Variants in SKIC2 observed in about 807,000 individuals in gnomAD.
SKIC2 encodes the protein superkiller complex protein 2.
chr6:31,968,738 G>A, the SKIC2 span: 20 of 1,612,804 alleles, frequency 1.2e-5, no homozygotes, highest in South Asian at 3.3e-5. The surrounding 1 kb of genome is among the most constrained non-coding windows in gnomAD (Gnocchi z 6.1). Context: ...GAGCGGCTGC[G>A]CTTCCTACTG....
the SKIC2 span, among the ~76,000 whole-genome samples, chr6:31,966,263 ATT>A: frequency 6.3e-5 from 9 of 142,402 alleles, no homozygotes; most frequent in South Asian, 2.2e-4. The surrounding 1 kb of genome is among the most constrained non-coding windows in gnomAD (Gnocchi z 5.9). Context: ...GGCCTGGCTA[ATT>A]TTTTTTTTTT....
At chr6:31,960,219 GAA>G in the SKIC2 span, 2 of 1,612,756 alleles carry the variant, frequency 1.2e-6, no homozygotes, top group Non-Finnish European at 1.7e-6. Context: ...TTTCTCTCCA[GAA>G]AATGGCAGAG....
the SKIC2 span, among the ~76,000 whole-genome samples, chr6:31,964,777 T>A: frequency 1.3e-5 from 2 of 152,228 alleles, no homozygotes; most frequent in African/African-American, 4.8e-5. The surrounding 1 kb of genome is among the most constrained non-coding windows in gnomAD (Gnocchi z 5.0). Context: ...GGGAATCCTT[T>A]ACGGGATGCC....
the SKIC2 span, chr6:31,968,693 A>G: frequency 4.8e-5 from 77 of 1,612,258 alleles, no homozygotes; most frequent in Non-Finnish European, 6.4e-5. The surrounding 1 kb of genome is among the most constrained non-coding windows in gnomAD (Gnocchi z 6.1). Context: ...CAGTACCTGA[A>G]GCTGCGGGAG....
the SKIC2 span, chr6:31,960,030 T>A: frequency 2.5e-6 from 4 of 1,613,020 alleles, no homozygotes. Context: ...GCCTCCCTCC[T>A]TGTGCCCCAG....
the SKIC2 span, chr6:31,968,873 G>C: frequency 1.2e-6 from 2 of 1,612,610 alleles, no homozygotes; most frequent in Non-Finnish European, 1.7e-6. This position sits in a 1 kb window ranked among gnomAD's most constrained non-coding sequence, Gnocchi z 6.1. Flanking sequence ...TCTTGCAGGT[G>C]CTCCGAACCC....
At chr6:31,967,686 C>A in the SKIC2 span, 2 of 1,611,236 alleles carry the variant, frequency 1.2e-6, no homozygotes, top group South Asian at 1.1e-5. This position sits in a 1 kb window ranked among gnomAD's most constrained non-coding sequence, Gnocchi z 4.9. Flanking sequence ...ATCACACCCC[C>A]CTCTCCTGGC....
At chr6:31,961,386 G>T in the SKIC2 span, 7 of 1,548,068 alleles carry the variant, frequency 4.5e-6, no homozygotes, top group Non-Finnish European at 6.1e-6. Flanking sequence ...TAGTGTTGAA[G>T]GTTGGTGGTT....
At chr6:31,960,713 G>A in the SKIC2 span, 3 of 1,576,314 alleles carry the variant, frequency 1.9e-6, no homozygotes, top group East Asian at 2.2e-5. Context: ...ACGGGAGGAG[G>A]CTGAGGAGGA....
chr6:31,968,764 C>G, the SKIC2 span: 1 of 1,612,600 alleles, frequency 6.2e-7, no homozygotes, highest in Non-Finnish European at 8.5e-7. The surrounding 1 kb of genome is among the most constrained non-coding windows in gnomAD (Gnocchi z 6.1). Flanking sequence ...TCAGTCATTG[C>G]TGCTGCTTCC....
the SKIC2 span, chr6:31,965,735 T>C: frequency 8.7e-7 from 1 of 1,148,124 alleles, no homozygotes; most frequent in Non-Finnish European, 1.3e-6. This position sits in a 1 kb window ranked among gnomAD's most constrained non-coding sequence, Gnocchi z 5.6. Flanking sequence ...GCTGGGGGTG[T>C]GTGTATGTAG....
At chr6:31,964,646 A>T in the SKIC2 span, among the ~76,000 whole-genome samples, 1 of 152,228 alleles carries the variant, frequency 6.6e-6, no homozygotes, top group Non-Finnish European at 1.5e-5. This position sits in a 1 kb window ranked among gnomAD's most constrained non-coding sequence, Gnocchi z 5.0. Context: ...AGTTATTAGT[A>T]ATCAGAAATA....
the SKIC2 span, chr6:31,967,736 A>T: frequency 1.9e-6 from 3 of 1,613,012 alleles, no homozygotes; most frequent in Non-Finnish European, 2.5e-6. This position sits in a 1 kb window ranked among gnomAD's most constrained non-coding sequence, Gnocchi z 4.9. Flanking sequence ...CTCCACCAGC[A>T]GAGTATTCAC....
chr6:31,969,613 A>G, the SKIC2 span: 6 of 1,613,052 alleles, frequency 3.7e-6, no homozygotes, highest in African/African-American at 4.0e-5. This position sits in a 1 kb window ranked among gnomAD's most constrained non-coding sequence, Gnocchi z 6.1. Flanking sequence ...TGCGGGGGGC[A>G]GCCCGCCTGG....
chr6:31,961,663 G>C, the SKIC2 span: 13 of 1,612,266 alleles, frequency 8.1e-6, no homozygotes, highest in Non-Finnish European at 1.0e-5. Flanking sequence ...TCATTCCCCA[G>C]CCAGCCTTCC....
chr6:31,960,034 G>A, the SKIC2 span: 1 of 1,612,980 alleles, frequency 6.2e-7, no homozygotes. Flanking sequence ...CCCTCCTTGT[G>A]CCCCAGATCT....
the SKIC2 span, chr6:31,962,706 C>G: frequency 1.9e-6 from 3 of 1,612,464 alleles, no homozygotes; most frequent in Non-Finnish European, 2.5e-6. The surrounding 1 kb of genome is among the most constrained non-coding windows in gnomAD (Gnocchi z 5.0). Context: ...TTGGCCTCTT[C>G]TCCCCAGCTC....
the SKIC2 span, chr6:31,965,832 G>T: frequency 9.3e-6 from 15 of 1,612,874 alleles, no homozygotes; most frequent in Non-Finnish European, 1.3e-5. The surrounding 1 kb of genome is among the most constrained non-coding windows in gnomAD (Gnocchi z 5.6). Flanking sequence ...ATGCCTGCTC[G>T]TACAGTAGTG....
the SKIC2 span, chr6:31,963,594 G>T: frequency 6.5e-7 from 1 of 1,534,952 alleles, no homozygotes; most frequent in Non-Finnish European, 8.8e-7. This position sits in a 1 kb window ranked among gnomAD's most constrained non-coding sequence, Gnocchi z 5.3. Context: ...GTTAGGGCTG[G>T]GCCCCCAGCT....
Sources: gnomAD v4.1 joint callset for allele counts (sites outside exome capture counted in the v4.1 genomes callset) on GRCh38, gnomAD v4.1.1 for gene constraint, Gnocchi (gnomAD v3.1) non-coding constraint, MANE v1.5 for transcripts, NCBI Gene and HGNC (gene_info 2026-07-23, HGNC 2026-07-21) for gene names.